Variants in GTF2E2 observed in about 807,000 individuals in gnomAD.
GTF2E2 encodes the protein transcription initiation factor IIE subunit beta.
A neutral mutation model predicts 40.5 loss-of-function variants in GTF2E2; 21 were observed. The observed-to-expected ratio is 0.52, with a 90% CI of 0.37 to 0.75. The LOEUF is 0.75. GTF2E2 is among the 30% of genes least tolerant of loss of function. The pLI, the probability that GTF2E2 is intolerant of heterozygous loss-of-function variation, is 0.00. For missense variants in GTF2E2, 298 were observed against 338.4 expected (o/e 0.88, Z 0.94); for synonymous variants, 117 against 121.6 (o/e 0.96, Z 0.25).
chr8:30,612,192 T>C (rs1829494279), intron 5 of GTF2E2, 107 bp downstream of exon 5: 4 of 748,928 alleles, frequency 5.3e-6, no homozygotes, highest in Non-Finnish European at 8.6e-6. Context: ...CCCATGTGTA[T>C]ATAATAGAAG....
intron 6 of GTF2E2, 39 bp downstream of exon 6, chr8:30,607,015 GTAA>G (rs762882476): frequency 1.4e-6 from 1 of 720,366 alleles, no homozygotes; most frequent in African/African-American, 1.8e-5. Context: ...CCCTAAAATT[GTAA>G]TATACTTGCA....
chr8:30,615,750 G>A (rs1475455485), intron 3 of GTF2E2, among the ~76,000 whole-genome samples: 1 of 152,162 alleles, frequency 6.6e-6, no homozygotes. Context: ...TACTGTGGAA[G>A]ACAGTTCAGC....
intron 3 of GTF2E2, among the ~76,000 whole-genome samples, chr8:30,631,181 T>C (rs1360422554): frequency 6.6e-6 from 1 of 152,106 alleles, no homozygotes; most frequent in African/African-American, 2.4e-5. Context: ...CCAACACACC[T>C]GGTTAATTTC....
At chr8:30,651,388 T>TA (rs2128730362) in intron 2 of GTF2E2, among the ~76,000 whole-genome samples, 1 of 152,174 alleles carries the variant, frequency 6.6e-6, no homozygotes, top group East Asian at 1.9e-4. Context: ...CTCTTGTTTC[T>TA]ATATACTAGC....
rs78748772 is a variant in GTF2E2 at position 30,640,725 on chromosome 8, G to T, written c.167-5602C>A. The stretch of plus-strand genomic sequence containing the variant: ...ATGTATTTCTATTTTTTGGCGGGGG[G>T]ACGGAGTCTCACTCTATCGCCCAGG... On this transcript the variant is annotated intron_variant, in intron 2 of 7. Transcript: ENST00000355904. Among the ~76,000 whole-genome samples, 688 of 152,246 alleles carry T rather than the reference G, an allele frequency of 4.5e-3. 9 individuals are homozygous for T. Among genetic ancestry groups the T allele is most frequent in the African/African-American group, 0.016 (666 of 41,548 alleles).
chr8:30,591,561 T>C (rs1828852594), intron 6 of GTF2E2, among the ~76,000 whole-genome samples: 1 of 152,226 alleles, frequency 6.6e-6, no homozygotes, highest in Non-Finnish European at 1.5e-5. Context: ...TCAACATCAT[T>C]AGTCATTAGG....
intron 1 of GTF2E2, chr8:30,656,919 T>C (rs1802467532): frequency 6.6e-6 from 1 of 152,164 alleles, no homozygotes; most frequent in African/African-American, 2.4e-5. Flanking sequence ...GTGTTATTCC[T>C]ATTTTAATAC....
intron 3 of GTF2E2, among the ~76,000 whole-genome samples, chr8:30,619,961 G>C (rs888983972): frequency 2.6e-5 from 4 of 151,832 alleles, no homozygotes; most frequent in African/African-American, 9.7e-5. Flanking sequence ...AGGCAGGAGA[G>C]TCCGAGTGAA....
In GTF2E2 at chr8:30,607,552, A is replaced by C. The variant is rs1300266207; in HGVS notation, c.550-402T>G. Reference sequence around the variant, plus strand: ...CACCTCAGCATCAGAAAGTACAGGGACTATAGGTGTGAGCCACTGCACTCA... The same window carrying C: ...CACCTCAGCATCAGAAAGTACAGGGCCTATAGGTGTGAGCCACTGCACTCA... On this transcript the variant is annotated intron_variant, in intron 5 of 7. Coordinates refer to ENST00000355904, the MANE Select transcript of GTF2E2 (RefSeq NM_002095.6). 3.9e-5 allele frequency among the ~76,000 whole-genome samples: 6 copies of C among 152,320 alleles called. No individual in the cohort carries two copies. The East Asian group carries it at 1.2e-3, about 29-fold the overall frequency.
intron 2 of GTF2E2, among the ~76,000 whole-genome samples, chr8:30,646,504 C>G (rs1261637254): frequency 6.6e-6 from 1 of 152,158 alleles, no homozygotes; most frequent in Non-Finnish European, 1.5e-5. Flanking sequence ...AAAGCATGCT[C>G]TTAACCACCA....
chr8:30,592,213 AC>A (rs964710300), intron 6 of GTF2E2, among the ~76,000 whole-genome samples: 19 of 152,022 alleles, frequency 1.2e-4, no homozygotes, highest in African/African-American at 4.6e-4. Context: ...TCCCATCTCT[AC>A]AAAAAAATAC....
At chr8:30,587,263 A>C (rs34535252) in intron 6 of GTF2E2, among the ~76,000 whole-genome samples, 29 of 151,844 alleles carry the variant, frequency 1.9e-4, no homozygotes, top group African/African-American at 6.3e-4. Context: ...ATGTTTTAAG[A>C]TTAGCCAAGT....
intron 2 of GTF2E2, among the ~76,000 whole-genome samples, chr8:30,644,904 C>T (rs1419672679): frequency 6.6e-6 from 1 of 152,096 alleles, no homozygotes; most frequent in Non-Finnish European, 1.5e-5. Flanking sequence ...GCACACACCA[C>T]CATGCCTGGC....
At chr8:30,581,390 G>A (rs116594888) in intron 6 of GTF2E2, among the ~76,000 whole-genome samples, 33 of 152,260 alleles carry the variant, frequency 2.2e-4, no homozygotes, top group African/African-American at 7.5e-4. Context: ...TACTGTGCTA[G>A]GCCAGATTTC....
In GTF2E2 at chr8:30,635,122, A is replaced by T. The variant is rs1490225393; in HGVS notation, c.168T>A (p.Asp56Glu). Residue 56 changes from aspartate to glutamate, a missense_variant and splice_region_variant, in exon 3 of 8, where the codon GAT becomes GAA. Transcript: ENST00000355904. ...TCAAGTTAAATGATCCATTGCTATG[A>T]TCTGCAAATGAAGTTCAAAATAACA... is the stretch of plus-strand genomic sequence containing the variant. Reference protein sequence around the residue: ...GGSSGSKQNSDHSNGSFNLKA... With the variant: ...GGSSGSKQNSEHSNGSFNLKA... 6.4e-7 allele frequency: 1 copy of T among 1,570,046 alleles called. No individual in the cohort carries two copies. Among genetic ancestry groups the T allele is most frequent in the Non-Finnish European group, 8.8e-7 (1 of 1,142,166 alleles).
rs561127038 is a variant in GTF2E2, at chr8:30,621,675, T to C, written c.259-6960A>G. On this transcript the variant is annotated intron_variant, in intron 3 of 7. Coordinates refer to ENST00000355904, the MANE Select transcript of GTF2E2 (RefSeq NM_002095.6). Reference sequence around the variant, plus strand: ...TATTGCAAATTTGTAGAAATTGATTTTTGTAGATTCAGCTTTATTTGGTAA... The same window carrying C: ...TATTGCAAATTTGTAGAAATTGATTCTTGTAGATTCAGCTTTATTTGGTAA... Among the ~76,000 whole-genome samples the C allele has an allele frequency of 9.9e-5, 15 of 152,248 alleles. 1 individual carries two copies. Among genetic ancestry groups the C allele is most frequent in the African/African-American group, 2.7e-4 (11 of 41,488 alleles).
At chr8:30,619,390 CT>C (rs5890528) in intron 3 of GTF2E2, among the ~76,000 whole-genome samples, 49,887 of 141,832 alleles carry the variant, frequency 0.35, 8,322 homozygotes, top group African/African-American at 0.45. Flanking sequence ...CATAAACTGA[CT>C]TTTTTTTTTT....
Position 30,614,671 on chromosome 8 carries a change from T to C in GTF2E2, c.303A>G (p.Glu101=), listed in dbSNP as rs755301412. ...CTAAATGTTGTGTTTCATCCAAAAT[T>C]TCATCTAAGGTTAGAGGATGCGTAT... is the stretch of plus-strand genomic sequence containing the variant. ...RGDTHPLTLD[E]ILDETQHLDI... The change falls in exon 4 of 8, where the codon GAA becomes GAG. Residue 101 remains glutamate, a synonymous_variant. Transcript: ENST00000355904. 1 of 1,611,040 alleles carries C rather than the reference T, an allele frequency of 6.2e-7. No individual in the cohort carries two copies. The highest frequency in any genetic ancestry group is 8.5e-7 in the Non-Finnish European group (1 of 1,177,548).
At chr8:30,631,111 T>G (rs1320593785) in intron 3 of GTF2E2, among the ~76,000 whole-genome samples, 1 of 152,144 alleles carries the variant, frequency 6.6e-6, no homozygotes, top group African/African-American at 2.4e-5. Context: ...CATTGCAACT[T>G]CCACCTCCCA....
Sources: gnomAD v4.1 joint callset for allele counts (sites outside exome capture counted in the v4.1 genomes callset) on GRCh38, gnomAD v4.1.1 for gene constraint, MANE v1.5 for transcripts, NCBI Gene and HGNC (gene_info 2026-07-23, HGNC 2026-07-21) for gene names.